CUL3: variants seen among roughly 807,000 people sequenced by gnomAD.
CUL3 encodes the protein cullin-3.
A neutral mutation model predicts 89.1 loss-of-function variants in CUL3; 19 were observed. The observed-to-expected ratio is 0.21, with a 90% CI of 0.15 to 0.31. The LOEUF (loss-of-function observed/expected upper bound fraction) is 0.31. Among genes scored for constraint, CUL3 ranks in the 10% least tolerant of loss-of-function variants. The probability of loss-of-function intolerance (pLI) is 1.00; values close to 1 mark genes in which losing one functional copy is unlikely to be tolerated. For missense variants in CUL3, 469 were observed against 942.3 expected (o/e 0.50, Z 6.58); for synonymous variants, 351 against 308.4 (o/e 1.14, Z -1.45).
chr2:224,566,059 T>C (rs557420299), intron 1 of CUL3, among the ~76,000 whole-genome samples: 114 of 152,302 alleles, frequency 7.5e-4, no homozygotes, highest in Middle Eastern at 6.8e-3. Flanking sequence ...TAAAGGTCCT[T>C]ATTGACCCCC....
At chr2:224,512,318 A>C (rs1219246355) in intron 5 of CUL3, among the ~76,000 whole-genome samples, 1 of 151,918 alleles carries the variant, frequency 6.6e-6, no homozygotes, top group South Asian at 2.1e-4. Context: ...GGATGGTCTC[A>C]ATCTCCTGAT....
chr2:224,576,411 G>A (rs2106324945), intron 1 of CUL3, among the ~76,000 whole-genome samples: 4 of 152,266 alleles, frequency 2.6e-5, no homozygotes, highest in Admixed American at 2.6e-4. Flanking sequence ...TGACTACCCT[G>A]CTACATACAG....
At chr2:224,526,585 CAAAAAAAAAAAAAAAA>C (rs1166152595) in intron 3 of CUL3, among the ~76,000 whole-genome samples, 22 of 26,166 alleles carry the variant, frequency 8.4e-4, no homozygotes, top group African/African-American at 1.6e-3. Context: ...GACTCCGTCT[CAAAAAAAAAAAAAAAA>C]AAAAAAAAAA....
intron 5 of CUL3, among the ~76,000 whole-genome samples, chr2:224,512,619 T>C (rs1339147472): frequency 6.6e-6 from 1 of 152,204 alleles, no homozygotes; most frequent in East Asian, 1.9e-4. Flanking sequence ...TTTGGACCAC[T>C]GTTGCCAATT....
At chr2:224,577,428 G>A (rs1023872846) in intron 1 of CUL3, among the ~76,000 whole-genome samples, 24 of 152,122 alleles carry the variant, frequency 1.6e-4, no homozygotes, top group African/African-American at 5.3e-4. Flanking sequence ...AATTAGCCAG[G>A]CGTGGTGGCA....
At chr2:224,521,319 T>C (rs112311960) in intron 3 of CUL3, among the ~76,000 whole-genome samples, 103 of 152,356 alleles carry the variant, frequency 6.8e-4, no homozygotes, top group African/African-American at 2.4e-3. Flanking sequence ...TTGGGTCACA[T>C]TCAACTCTGA....
intron 13 of CUL3, 35 bp from the exon 14 acceptor site, chr2:224,482,113 T>C (rs1691556406): frequency 2.0e-5 from 31 of 1,537,568 alleles, no homozygotes; most frequent in Non-Finnish European, 2.5e-5. Context: ...ATTAGACTTT[T>C]TGAAAGATTA....
intron 8 of CUL3, among the ~76,000 whole-genome samples, chr2:224,504,953 G>A (rs79337103): frequency 6.9e-6 from 1 of 144,092 alleles, no homozygotes; most frequent in African/African-American, 2.6e-5. Flanking sequence ...TTTCTGAGAT[G>A]AGATCTACTC....
At chr2:224,543,902 T>C (rs747268448) in intron 2 of CUL3, among the ~76,000 whole-genome samples, 2 of 152,096 alleles carry the variant, frequency 1.3e-5, no homozygotes, top group Non-Finnish European at 2.9e-5. Flanking sequence ...GGAGGATCAC[T>C]TAAGCCCAGG....
At chr2:224,575,964 C>T (rs1181460128) in intron 1 of CUL3, among the ~76,000 whole-genome samples, 1 of 151,992 alleles carries the variant, frequency 6.6e-6, no homozygotes, top group African/African-American at 2.4e-5. Flanking sequence ...ATGCAATGAA[C>T]AAAATTAAAA....
rs540841332 is a variant in CUL3 at position 224,548,124 on chromosome 2, T to C, written c.264+9535A>G. 2.6e-5 allele frequency among the ~76,000 whole-genome samples: 4 copies of C among 152,346 alleles called. 1 individual carries two copies. Among genetic ancestry groups the C allele is most frequent in the African/African-American group, 9.6e-5 (4 of 41,580 alleles). On this transcript the variant is annotated intron_variant, in intron 2 of 15. Transcript: ENST00000264414. ...TCAAAAAAGAAAGTCACTTGAAACT[T>C]GAAACCATGTCCCCTTCAAGGCTGC...
At chr2:224,516,251 C>T (rs1460461224) in intron 3 of CUL3, among the ~76,000 whole-genome samples, 1 of 151,698 alleles carries the variant, frequency 6.6e-6, no homozygotes, top group Non-Finnish European at 1.5e-5. Context: ...TCTTGGACTT[C>T]ACACTTCCAT....
At chr2:224,583,805 T>C (rs1243268612) in intron 1 of CUL3, among the ~76,000 whole-genome samples, 1 of 152,192 alleles carries the variant, frequency 6.6e-6, no homozygotes, top group African/African-American at 2.4e-5. Flanking sequence ...AAGGTAAGTC[T>C]TTCCTCACTG....
intron 3 of CUL3, among the ~76,000 whole-genome samples, chr2:224,517,544 G>A (rs553107470): frequency 7.2e-5 from 11 of 152,234 alleles, no homozygotes; most frequent in East Asian, 1.9e-4. Context: ...ATGTTGGTGC[G>A]CGCCTGTAGT....
chr2:224,513,516 C>A lies in CUL3; in HGVS notation c.654+8G>T, dbSNP rs1387078609. ...AAAAGATTATTTATTTACATTTTCA[C>A]GGATTACCTGAAAAAATTCTGCAGA... On this transcript the variant is annotated splice_region_variant and intron_variant, in intron 5 of 15. Transcript: ENST00000264414. 7.0e-7 allele frequency: 1 copy of A among 1,420,906 alleles called. No individual in the cohort carries two copies. Among genetic ancestry groups the A allele is most frequent in the Non-Finnish European group, 9.8e-7 (1 of 1,021,436 alleles). 88.0% of individuals were successfully genotyped at this position (1,420,906 alleles called of 1,614,324 possible). A position where few individuals can be genotyped will look rare whatever the true frequency, so the allele number is the denominator to read the frequency against.
chr2:224,520,887 C>T (rs1044905027), intron 3 of CUL3, among the ~76,000 whole-genome samples: 2 of 152,158 alleles, frequency 1.3e-5, no homozygotes, highest in Non-Finnish European at 2.9e-5. Context: ...TCAAATTCAG[C>T]ACATAAAAGT....
At chr2:224,500,082 T>C (rs1005179280) in intron 11 of CUL3, 8 of 280,284 alleles carry the variant, frequency 2.9e-5, no homozygotes, top group Non-Finnish European at 4.9e-5. Flanking sequence ...CCATCATCAT[T>C]TACTTTCTCT....
At chr2:224,555,435 C>T (rs1694664486) in intron 2 of CUL3, among the ~76,000 whole-genome samples, 1 of 152,144 alleles carries the variant, frequency 6.6e-6, no homozygotes, top group African/African-American at 2.4e-5. Flanking sequence ...ACATTTATAG[C>T]ATCCTCATAA....
chr2:224,509,636 G>A (rs372210237), intron 6 of CUL3, among the ~76,000 whole-genome samples: 1 of 152,284 alleles, frequency 6.6e-6, no homozygotes, highest in South Asian at 2.1e-4. Context: ...CTTCATTCAC[G>A]TAAGTGCTCG....
Sources: gnomAD v4.1 joint callset for allele counts (sites outside exome capture counted in the v4.1 genomes callset) on GRCh38, gnomAD v4.1.1 for gene constraint, MANE v1.5 for transcripts, NCBI Gene and HGNC (gene_info 2026-07-23, HGNC 2026-07-21) for gene names.